The following HRK variants were observed in gnomAD, a reference collection of about 807,000 sequenced individuals.
HRK encodes the protein harakiri, BCL2 interacting protein, also known as activator of apoptosis harakiri.
Under a neutral mutation model 5.9 loss-of-function variants are expected in HRK, and 6 were observed. The observed-to-expected ratio is 1.02, with a 90% CI of 0.56 to 2.01. The LOEUF (loss-of-function observed/expected upper bound fraction) is 2.01, where lower values mean the gene tolerates loss of function less well. Among genes scored for constraint, HRK ranks in the 30% most tolerant of loss-of-function variants. HRK has a pLI of 0.00. For synonymous variants in HRK, 85 were observed against 65.1 expected, an observed-to-expected ratio of 1.31 and a Z score of -1.47; for missense variants, 133 against 128.3, an observed-to-expected ratio of 1.04 and a Z score of -0.18.
At chr12:116,869,394 A>G (rs894295087) in intron 1 of HRK, 1 of 152,226 alleles carries the variant, frequency 6.6e-6, no homozygotes, top group African/African-American at 2.4e-5. Context: ...ATAGCATGCT[A>G]GGAGCTCACT....
In HRK at chr12:116,881,144, C is replaced by G. The variant is rs1879135970; in HGVS notation, c.164G>C (p.Arg55Pro). The G allele has an allele frequency of 3.4e-6, 4 of 1,188,818 alleles. No individual in the cohort carries two copies. The highest frequency in any genetic ancestry group is 4.2e-6 in the Non-Finnish European group (4 of 961,950). The allele number at this position is 1,188,818 out of a possible 1,614,324, so 73.6% of individuals were successfully genotyped here. The change falls in exon 1 of 2, where the codon CGG becomes CCG. Residue 55 changes from arginine (R) to proline (P), a missense_variant. Transcript: ENST00000257572. The part of the protein sequence containing the change: ...HQRTMWRRRA[R>P]SRRAPAPGAL... ...GCCGGGCGCCGGCGCCCTCCGGCTC[C>G]GCGCGCGGCGCCGCCACATGGTGCG...
chr12:116,875,482 A>G (rs1161521255), intron 1 of HRK, among the ~76,000 whole-genome samples: 2 of 152,300 alleles, frequency 1.3e-5, no homozygotes, highest in Non-Finnish European at 1.5e-5. Context: ...TAGCAGTTGT[A>G]TAAGTGGAAG....
chr12:116,872,810 C>T (rs1878801807), intron 1 of HRK, among the ~76,000 whole-genome samples: 1 of 131,112 alleles, frequency 7.6e-6, no homozygotes, highest in African/African-American at 3.0e-5. Flanking sequence ...GAGACAGAAA[C>T]AGAGAGAGAC....
At chr12:116,874,266 A>AG (rs1878857638) in intron 1 of HRK, among the ~76,000 whole-genome samples, 1 of 151,990 alleles carries the variant, frequency 6.6e-6, no homozygotes, top group East Asian at 1.9e-4. Flanking sequence ...TCTTTCCTGA[A>AG]ACGTACTATG....
chr12:116,877,794 T>G (rs538781130), intron 1 of HRK, among the ~76,000 whole-genome samples: 3 of 152,348 alleles, frequency 2.0e-5, no homozygotes, highest in African/African-American at 7.2e-5. Flanking sequence ...TCTTGGGTTT[T>G]TGTTTCTGTT....
chr12:116,875,334 A>T (rs2137253035), intron 1 of HRK, among the ~76,000 whole-genome samples: 1 of 152,296 alleles, frequency 6.6e-6, no homozygotes, highest in African/African-American at 2.4e-5. Context: ...TTTGTTACAC[A>T]GAAGTAGTAA....
chr12:116,879,498 T>C lies in HRK; in HGVS notation c.*56+1478A>G, dbSNP rs1194884199. ...CCATCCAAAATGTTCTTCCTGTCCCTGGGATTGGGCAGCCTCAGCCTGGCC... is the reference window on the plus strand; with the variant it reads ...CCATCCAAAATGTTCTTCCTGTCCCCGGGATTGGGCAGCCTCAGCCTGGCC... On this transcript the variant is annotated intron_variant, in intron 1 of 1. Coordinates refer to ENST00000257572, the MANE Select transcript of HRK (RefSeq NM_003806.4). This position sits in a 1 kb window ranked among gnomAD's most constrained non-coding sequence, Gnocchi z 5.6. 1 of 152,222 alleles carries C rather than the reference T, an allele frequency of 6.6e-6. No homozygotes were observed. The highest frequency in any genetic ancestry group is 2.4e-5 in the African/African-American group (1 of 41,454). 9.4% of individuals were successfully genotyped at this position (152,222 alleles called of 1,614,324 possible).
Position 116,881,188 on chromosome 12 carries a change from T to C in HRK, c.120A>G (p.Leu40=). 2 of 1,152,112 alleles carry C rather than the reference T, an allele frequency of 1.7e-6. No homozygotes were observed. Among genetic ancestry groups the C allele is most frequent in the South Asian group, 4.2e-5 (1 of 23,976 alleles). The allele number at this position is 1,152,112 out of a possible 1,614,324, so 71.4% of individuals were successfully genotyped here. A position where few individuals can be genotyped will look rare whatever the true frequency, so the allele number is the denominator to read the frequency against. ...TGGTGCGCTGGTGCAGCTCGTCGCC[T>C]AGCGCCTTGAGCCGGGCGGCGGTGA... ...AQLTAARLKA[L]GDELHQRTMW... is the part of the protein sequence containing the mutation. The change falls in exon 1 of 2, where the codon CTA becomes CTG. Residue 40 remains leucine, a synonymous_variant. Coordinates refer to ENST00000257572, the MANE Select transcript of HRK (RefSeq NM_003806.4).
chr12:116,872,123 C>T (rs1878774266), intron 1 of HRK, among the ~76,000 whole-genome samples: 1 of 152,218 alleles, frequency 6.6e-6, no homozygotes, highest in Non-Finnish European at 1.5e-5. Context: ...GTAATCCCAG[C>T]ACTTTGGGAG....
chr12:116,875,865 C>G (rs1380227088), intron 1 of HRK, among the ~76,000 whole-genome samples: 2 of 152,154 alleles, frequency 1.3e-5, no homozygotes, highest in African/African-American at 4.8e-5. Flanking sequence ...GTTTCTGATT[C>G]ATTTAACACA....
At chr12:116,874,332 T>C (rs907462171) in intron 1 of HRK, among the ~76,000 whole-genome samples, 5 of 152,324 alleles carry the variant, frequency 3.3e-5, no homozygotes, top group Non-Finnish European at 7.4e-5. Context: ...AACACCTTTC[T>C]CGCATGTCTT....
At position 116,878,372 on chromosome 12, in the gene HRK, G is replaced by A. The variant is rs1160109037; in HGVS notation, c.*56+2604C>T. ...ATTCCCCTTTTTCTTTTAGGGTAGG[G>A]AAGGTGGAGAGCACCCCATATCCAG... On this transcript the variant is annotated intron_variant, in intron 1 of 1. Transcript: ENST00000257572. The surrounding 1 kb of genome is among the most constrained non-coding windows in gnomAD (Gnocchi z 4.4). 1 of 152,298 alleles carries A rather than the reference G, an allele frequency of 6.6e-6. No individual in the cohort carries two copies. Among genetic ancestry groups the A allele is most frequent in the Non-Finnish European group, 1.5e-5 (1 of 68,102 alleles). The allele number at this position is 152,298 out of a possible 1,614,324, so 9.4% of individuals were successfully genotyped here.
At position 116,878,216 on chromosome 12, in the gene HRK, T is replaced by C. The variant is rs907710005; in HGVS notation, c.*56+2760A>G. Among the ~76,000 whole-genome samples the C allele has an allele frequency of 2.0e-5, 3 of 152,218 alleles. No homozygotes were observed. Among genetic ancestry groups the C allele is most frequent in the African/African-American group, 4.8e-5 (2 of 41,466 alleles). On this transcript the variant is annotated intron_variant, in intron 1 of 1. Coordinates refer to ENST00000257572, the MANE Select transcript of HRK (RefSeq NM_003806.4). The surrounding 1 kb of genome is among the most constrained non-coding windows in gnomAD (Gnocchi z 4.4). ...CAGGCGTGAGCCAACCTGCCTGGCC[T>C]GTATGTTGAAAATATTGATTCTGCA... is the stretch of plus-strand genomic sequence containing the variant.
Position 116,856,964 on chromosome 12 carries a change from A to T in HRK, c.*4559T>A, listed in dbSNP as rs532262734. On this transcript the variant is annotated 3_prime_UTR_variant, in exon 2 of 2. Coordinates refer to ENST00000257572, the MANE Select transcript of HRK (RefSeq NM_003806.4). This position sits in a 1 kb window ranked among gnomAD's most constrained non-coding sequence, Gnocchi z 4.4. ...TTGGGAGTGGCGAGCACGCCATAAA[A>T]GGTAGCTTTGATTATTGTGTAAAGC... 1.3e-5 allele frequency: 2 copies of T among 152,270 alleles called. No homozygotes were observed. The highest frequency in any genetic ancestry group is 3.8e-4 in the East Asian group (2 of 5,200). The allele number at this position is 152,270 out of a possible 1,614,324, so 9.4% of individuals were successfully genotyped here.
intron 1 of HRK, among the ~76,000 whole-genome samples, chr12:116,871,328 A>T (rs1878741307): frequency 6.6e-6 from 1 of 150,846 alleles, no homozygotes; most frequent in African/African-American, 2.4e-5. Context: ...TTTTAGATGG[A>T]GTTTCTCTCT....
At position 116,881,130 on chromosome 12, in the gene HRK, G is replaced by GCGCCCTCCGGCTCCGCGCGCGGCGCCGC; in HGVS notation, c.150_177dup (p.Pro60AlafsTer84). The GCGCCCTCCGGCTCCGCGCGCGGCGCCGC allele has an allele frequency of 8.3e-7, 1 of 1,210,420 alleles. No homozygotes were observed. The highest frequency in any genetic ancestry group is 1.0e-6 in the Non-Finnish European group (1 of 975,188). The allele number at this position is 1,210,420 out of a possible 1,614,324, so 75.0% of individuals were successfully genotyped here. A position where few individuals can be genotyped will look rare whatever the true frequency, so the allele number is the denominator to read the frequency against. On this transcript the variant is annotated frameshift_variant, in exon 1 of 2. Coordinates refer to ENST00000257572, the MANE Select transcript of HRK (RefSeq NM_003806.4). LOFTEE classifies it high-confidence loss of function. The stretch of plus-strand genomic sequence containing the variant: ...TAGGTGGGGAGCGCGCCGGGCGCCG[G>GCGCCCTCCGGCTCCGCGCGCGGCGCCGC]CGCCCTCCGGCTCCGCGCGCGGCGC...
Position 116,876,201 on chromosome 12 carries a change from C to A in HRK, c.*56+4775G>T, listed in dbSNP as rs546467782. Among the ~76,000 whole-genome samples the A allele has an allele frequency of 1.4e-4, 21 of 152,324 alleles. 2 individuals carry two copies. The South Asian group carries it at 4.4e-3, about 32-fold the overall frequency. On this transcript the variant is annotated intron_variant, in intron 1 of 1. Transcript: ENST00000257572. ...GCGAGCGGATGACTCCAGACAGAGA[C>A]CATGTGGCAGGAAGGCTGCCTGGTT...
chr12:116,871,628 A>AT (rs1354356389), intron 1 of HRK, among the ~76,000 whole-genome samples: 1 of 147,658 alleles, frequency 6.8e-6, no homozygotes, highest in African/African-American at 2.5e-5. Flanking sequence ...AAGTATTATT[A>AT]TTATTTTTTT....
Position 116,881,372 on chromosome 12 carries a change from G to T in HRK, c.-65C>A. 9.6e-7 allele frequency: 1 copy of T among 1,040,224 alleles called. No individual in the cohort carries two copies. The highest frequency in any genetic ancestry group is 1.2e-6 in the Non-Finnish European group (1 of 866,938). The allele number at this position is 1,040,224 out of a possible 1,614,324, so 64.4% of individuals were successfully genotyped here. A position where few individuals can be genotyped will look rare whatever the true frequency, so the allele number is the denominator to read the frequency against. On this transcript the variant is annotated 5_prime_UTR_variant, in exon 1 of 2. Transcript: ENST00000257572. ...CTCGCCTCCTCTCCCTCCGGCCTCT[G>T]CGCCCGCTGCCGCCGCGCTCCAGCC...
Sources: gnomAD v4.1 joint callset for allele counts (sites outside exome capture counted in the v4.1 genomes callset) on GRCh38, gnomAD v4.1.1 for gene constraint, Gnocchi (gnomAD v3.1) non-coding constraint, MANE v1.5 for transcripts, NCBI Gene and HGNC (gene_info 2026-07-23, HGNC 2026-07-21) for gene names.